The following MEGF6 variants were observed in gnomAD, a reference collection of about 807,000 sequenced individuals.
MEGF6 encodes the protein multiple epidermal growth factor-like domains protein 6.
A neutral mutation model predicts 207.1 loss-of-function variants in MEGF6; 184 were observed. The ratio of observed to expected loss-of-function variants is 0.89; its 90% confidence interval spans 0.79 to 1.00. The LOEUF is 1.00. Among genes scored for constraint, MEGF6 ranks in the 50% least tolerant of loss-of-function variants. The probability of loss-of-function intolerance (pLI) is 0.00; values close to 1 mark genes in which losing one functional copy is unlikely to be tolerated. For synonymous variants in MEGF6, 1,038 were observed against 910.0 expected, an observed-to-expected ratio of 1.14 and a Z score of -2.53; for missense variants, 2,282 against 2,202.9, an observed-to-expected ratio of 1.04 and a Z score of -0.72.
intron 4 of MEGF6, among the ~76,000 whole-genome samples, chr1:3,541,819 CT>C (rs993364742): frequency 7.2e-5 from 11 of 152,112 alleles, no homozygotes; most frequent in African/African-American, 2.4e-4. Context: ...CAGGGGCTCC[CT>C]GGGGGCACCG....
intron 4 of MEGF6, among the ~76,000 whole-genome samples, chr1:3,535,393 C>T (rs1044143084): frequency 6.6e-6 from 1 of 152,332 alleles, no homozygotes; most frequent in Non-Finnish European, 1.5e-5. Context: ...GGGTCACTCA[C>T]ATCAGACACC....
At chr1:3,502,249 G>A (rs1171167589) in intron 17 of MEGF6, among the ~76,000 whole-genome samples, 1 of 151,888 alleles carries the variant, frequency 6.6e-6, no homozygotes, top group African/African-American at 2.4e-5. Context: ...GGGCTGCTGG[G>A]GCAGCGTGGG....
chr1:3,528,385 G>A (rs765666965), intron 4 of MEGF6, among the ~76,000 whole-genome samples: 28 of 152,212 alleles, frequency 1.8e-4, no homozygotes, highest in South Asian at 6.2e-4. Flanking sequence ...GTGCTGAGCC[G>A]GTGACCCTGG....
intron 4 of MEGF6, among the ~76,000 whole-genome samples, chr1:3,541,238 G>C (rs1006384049): frequency 1.3e-5 from 2 of 152,232 alleles, no homozygotes; most frequent in Admixed American, 6.5e-5. Flanking sequence ...ACAGAGCGGG[G>C]CTGCCGCCCA....
chr1:3,520,539 C>T (rs962664139), intron 5 of MEGF6, among the ~76,000 whole-genome samples: 1 of 152,156 alleles, frequency 6.6e-6, no homozygotes, highest in African/African-American at 2.4e-5. Context: ...GCTCTTCCCA[C>T]CCCAGAGACC....
the MEGF6 span, among the ~76,000 whole-genome samples, chr1:3,621,444 GT>G: frequency 6.6e-6 from 1 of 152,156 alleles, no homozygotes; most frequent in Non-Finnish European, 1.5e-5. Context: ...TTTTTTCTAG[GT>G]TATGATTGTA....
rs748325726 is a variant in MEGF6, at chr1:3,579,919, G to A, written c.387C>T (p.Ser129=). The A allele has an allele frequency of 3.9e-6, 6 of 1,524,070 alleles. No individual in the cohort carries two copies. Among genetic ancestry groups the A allele is most frequent in the East Asian group, 2.6e-5 (1 of 38,540 alleles). 94.4% of individuals were successfully genotyped at this position (1,524,070 alleles called of 1,614,324 possible). A position where few individuals can be genotyped will look rare whatever the true frequency, so the allele number is the denominator to read the frequency against. Residue 129 remains serine (S), a synonymous_variant, in exon 4 of 37, where the codon AGC becomes AGT. Coordinates refer to ENST00000356575, the MANE Select transcript of MEGF6 (RefSeq NM_001409.4). ...DEEGCLSAEC[S]ASLCFHGGRC... ...GGCCACCGTGAAAACAGAGGCTGGC[G>A]CTGCATTCAGCTGCGGAGGGAAGGA...
At chr1:3,609,951 C>T (rs900979964) in intron 1 of MEGF6, among the ~76,000 whole-genome samples, 2 of 152,236 alleles carry the variant, frequency 1.3e-5, no homozygotes, top group African/African-American at 2.4e-5. Flanking sequence ...CCCTGGAAGC[C>T]CCTGGCTGGT....
intron 4 of MEGF6, among the ~76,000 whole-genome samples, chr1:3,529,032 CG>C (rs1642058996): frequency 1.3e-5 from 2 of 152,204 alleles, no homozygotes; most frequent in Admixed American, 6.5e-5. Context: ...TCTGCCAGAC[CG>C]GCCCCCCGAC....
intron 26 of MEGF6, among the ~76,000 whole-genome samples, chr1:3,497,845 G>A (rs1170493632): frequency 1.3e-5 from 2 of 152,208 alleles, no homozygotes; most frequent in Non-Finnish European, 1.5e-5. Flanking sequence ...CAGTGGGGAC[G>A]GCGCCTCTGC....
intron 4 of MEGF6, 97 bp from the exon 5 acceptor site, chr1:3,524,343 C>T: frequency 1.3e-6 from 2 of 1,506,796 alleles, no homozygotes; most frequent in Non-Finnish European, 1.8e-6. Flanking sequence ...ACCCAGGTCC[C>T]TCCCGTGCCT....
rs530525969 is a variant in MEGF6, at chr1:3,518,674, G to A, written c.605-3147C>T. Among the ~76,000 whole-genome samples the A allele has an allele frequency of 7.2e-5, 11 of 152,338 alleles. No individual in the cohort carries two copies. In the South Asian group the frequency reaches 1.0e-3, roughly 14 times the overall value. On this transcript the variant is annotated intron_variant, in intron 5 of 36. Coordinates refer to ENST00000356575, the MANE Select transcript of MEGF6 (RefSeq NM_001409.4). ...AGCTCTACAGGGTGGTTCTGGTCCC[G>A]TTGGTTTCTGGTTCTGGTCCCTGCT...
Position 3,507,918 on chromosome 1 carries a change from G to GAA in MEGF6, c.1665_1666insTT (p.Pro556PhefsTer156). 1 of 1,610,854 alleles carries GAA rather than the reference G, an allele frequency of 6.2e-7. No homozygotes were observed. The highest frequency in any genetic ancestry group is 1.3e-5 in the African/African-American group (1 of 75,022). ...CAGTTCTTCCCAAAGGTGTCCGGAGGACAAGCTACAAAGAATGACAGGGAA... is the reference window on the plus strand; with the variant it reads ...CAGTTCTTCCCAAAGGTGTCCGGAGGAAACAAGCTACAAAGAATGACAGGGAA... On this transcript the variant is annotated frameshift_variant, in exon 14 of 37. Coordinates refer to ENST00000356575, the MANE Select transcript of MEGF6 (RefSeq NM_001409.4). LOFTEE classifies it high-confidence loss of function.
Position 3,511,635 on chromosome 1 carries a change from G to C in MEGF6, c.1029C>G (p.Ser343=). The C allele has an allele frequency of 2.5e-6, 4 of 1,611,900 alleles. No individual in the cohort carries two copies. The highest frequency in any genetic ancestry group is 3.4e-6 in the Non-Finnish European group (4 of 1,179,394). ...CAGCACTGGTGTGGCTGCAGCCATGGGAGCAGCCGCCGTTGTTGGCCTCAC... is the reference window on the plus strand; with the variant it reads ...CAGCACTGGTGTGGCTGCAGCCATGCGAGCAGCCGCCGTTGTTGGCCTCAC... The part of the protein sequence containing the change: ...NSCEANNGGC[S]HGCSHTSAGP... Residue 343 remains serine (S), a synonymous_variant, in exon 9 of 37, where the codon TCC becomes TCG. Transcript: ENST00000356575.
chr1:3,490,818 C>G, intron 36 of MEGF6, 94 bp downstream of exon 36: 1 of 1,465,642 alleles, frequency 6.8e-7, no homozygotes, highest in South Asian at 1.2e-5. Flanking sequence ...CAGCTGCTGC[C>G]CTGTGGGGCC....
chr1:3,604,661 A>C (rs746510315), intron 1 of MEGF6, among the ~76,000 whole-genome samples: 1 of 152,024 alleles, frequency 6.6e-6, no homozygotes, highest in South Asian at 2.1e-4. Flanking sequence ...CTGACATTAC[A>C]TCATCGAATC....
chr1:3,580,251 AGGAG>A (rs146859484), intron 3 of MEGF6, among the ~76,000 whole-genome samples: 2,239 of 28,372 alleles, frequency 0.079, 59 homozygotes, highest in South Asian at 0.33. Context: ...GAGGGGTGGG[AGGAG>A]GGAAGGTGGG....
At chr1:3,588,483 T>G (rs186219595) in intron 3 of MEGF6, among the ~76,000 whole-genome samples, 740 of 14,902 alleles carry the variant, frequency 0.05, no homozygotes, top group Admixed American at 0.065. Context: ...GGGGCAGGAG[T>G]GGCCAGGAGG....
At chr1:3,617,274 C>T in the MEGF6 span, among the ~76,000 whole-genome samples, 83 of 152,272 alleles carry the variant, frequency 5.5e-4, 1 homozygote, top group Middle Eastern at 3.4e-3. Flanking sequence ...TACCTACTCC[C>T]GCCACCATGC....
Sources: gnomAD v4.1 joint callset for allele counts (sites outside exome capture counted in the v4.1 genomes callset) on GRCh38, gnomAD v4.1.1 for gene constraint, MANE v1.5 for transcripts, NCBI Gene and HGNC (gene_info 2026-07-23, HGNC 2026-07-21) for gene names.